The following HSP90AA1 variants were observed in gnomAD, a reference collection of about 807,000 sequenced individuals.
HSP90AA1 encodes heat shock protein HSP 90-alpha.
HSP90AA1 carries 18 observed loss-of-function variants against 73.3 expected under a neutral mutation model. That is an observed-to-expected ratio of 0.25 (90% CI 0.17 to 0.36). The LOEUF is 0.36. HSP90AA1 is among the 10% of genes least tolerant of loss of function. The probability of loss-of-function intolerance (pLI) is 1.00; values close to 1 mark genes in which losing one functional copy is unlikely to be tolerated. For missense variants in HSP90AA1, 704 were observed against 874.2 expected, an observed-to-expected ratio of 0.81 and a Z score of 2.45; for synonymous variants, 477 against 296.9, an observed-to-expected ratio of 1.61 and a Z score of -6.24.
At position 102,081,311 on chromosome 14, in the gene HSP90AA1, A is replaced by G. The variant is rs1058078; in HGVS notation, c.*401T>C. The G allele has an allele frequency of 0.072, 21,460 of 299,278 alleles. 1,148 individuals are homozygous for G. The highest frequency in any genetic ancestry group is 0.17 in the African/African-American group (8,144 of 46,830). The allele number at this position is 299,278 out of a possible 1,614,324, so 18.5% of individuals were successfully genotyped here. A position where few individuals can be genotyped will look rare whatever the true frequency, so the allele number is the denominator to read the frequency against. Reference sequence around the variant, plus strand: ...GTCAACTACAGGGAATGAAAAGTTCAAAAAGTAGATCCTACAAGATGTAAC... The same window carrying G: ...GTCAACTACAGGGAATGAAAAGTTCGAAAAGTAGATCCTACAAGATGTAAC... On this transcript the variant is annotated 3_prime_UTR_variant, in exon 11 of 11. Coordinates refer to ENST00000216281, the MANE Select transcript of HSP90AA1 (RefSeq NM_005348.4).
At chr14:102,133,368 A>G (rs570235004) in intron 1 of HSP90AA1, among the ~76,000 whole-genome samples, 6 of 152,278 alleles carry the variant, frequency 3.9e-5, no homozygotes, top group African/African-American at 1.2e-4. Context: ...TTTTGAACAC[A>G]ATTATAGGGA....
intron 1 of HSP90AA1, among the ~76,000 whole-genome samples, chr14:102,137,122 G>A (rs556615352): frequency 3.2e-4 from 48 of 151,930 alleles, no homozygotes; most frequent in African/African-American, 1.1e-3. Flanking sequence ...ACTGGGGCAG[G>A]AGAATTGCTT....
chr14:102,093,692 G>A (rs1051450003), intron 2 of HSP90AA1, among the ~76,000 whole-genome samples: 12 of 152,072 alleles, frequency 7.9e-5, no homozygotes, highest in African/African-American at 2.7e-4. Context: ...ATGTGAAAGG[G>A]CCAGGCGAGG....
exon 1 of HSP90AA1, chr14:102,139,315 C>T (rs1239801273): frequency 1.2e-6 from 2 of 1,613,704 alleles, no homozygotes; most frequent in African/African-American, 1.3e-5. Context: ...GACGGTCGCG[C>T]GGGTATTCAG....
rs1464588832 is a variant in HSP90AA1 at position 102,086,983 on chromosome 14, C to T, written c.-1+3G>A. 1.0e-6 allele frequency: 1 copy of T among 985,236 alleles called. No individual in the cohort carries two copies. The highest frequency in any genetic ancestry group is 1.7e-5 in the African/African-American group (1 of 57,144). The allele number at this position is 985,236 out of a possible 1,614,324, so 61.0% of individuals were successfully genotyped here. A position where few individuals can be genotyped will look rare whatever the true frequency, so the allele number is the denominator to read the frequency against. On this transcript the variant is annotated splice_donor_region_variant and intron_variant, in intron 1 of 10. Transcript: ENST00000216281. ...TCCACAGGCCCCCACAACCACCCGT[C>T]ACCTTGGCTAAGTGACCGCACAGGA... is the stretch of plus-strand genomic sequence containing the variant.
intron 1 of HSP90AA1, 60 bp from the exon 2 acceptor site, chr14:102,086,438 T>A (rs3736807): frequency 1.9e-6 from 3 of 1,580,166 alleles, no homozygotes; most frequent in Admixed American, 1.7e-5. Flanking sequence ...CAACACGAAA[T>A]TCCATCGCGT....
chr14:102,129,795 GC>G (rs1297046763), intron 1 of HSP90AA1, among the ~76,000 whole-genome samples: 1 of 110,244 alleles, frequency 9.1e-6, no homozygotes, highest in Non-Finnish European at 2.2e-5. Flanking sequence ...GAGCCACCAC[GC>G]CCGACAACTA....
chr14:102,097,630 C>T (rs749262742), intron 2 of HSP90AA1, among the ~76,000 whole-genome samples: 50 of 152,166 alleles, frequency 3.3e-4, no homozygotes, highest in Non-Finnish European at 6.5e-4. Context: ...CTTGTTTATC[C>T]TCAGATACCC....
In HSP90AA1 at chr14:102,086,422, C is replaced by G. The variant is rs34721798; in HGVS notation, c.1-44G>C. ...GGTTTAAAACCTTGCAGGACGTCTACAGAGGCAACACGAAATTCCATCGCG... is the reference window on the plus strand; with the variant it reads ...GGTTTAAAACCTTGCAGGACGTCTAGAGAGGCAACACGAAATTCCATCGCG... On this transcript the variant is annotated intron_variant, in intron 1 of 10. Transcript: ENST00000216281. 8.6e-5 allele frequency: 138 copies of G among 1,608,734 alleles called. No individual in the cohort carries two copies. In the African/African-American group the frequency reaches 1.6e-3, roughly 19 times the overall value.
chr14:102,116,183 G>C (rs1347761967), intron 1 of HSP90AA1, among the ~76,000 whole-genome samples: 1 of 151,936 alleles, frequency 6.6e-6, no homozygotes, highest in Non-Finnish European at 1.5e-5. Context: ...TCGATCTCCT[G>C]ACCTCGTGAT....
In HSP90AA1 at chr14:102,084,392, T is replaced by C. The variant is rs371160739; in HGVS notation, c.1147+7A>G. 5 of 1,611,008 alleles carry C rather than the reference T, an allele frequency of 3.1e-6. No individual in the cohort carries two copies. The highest frequency in any genetic ancestry group is 1.1e-5 in the South Asian group (1 of 91,010). On this transcript the variant is annotated splice_region_variant and intron_variant, in intron 6 of 10. Coordinates refer to ENST00000216281, the MANE Select transcript of HSP90AA1 (RefSeq NM_005348.4). ...TGACAGTGATTATTTTTCCTATCTA[T>C]ACTTACTCAGATATTCAGGGATTAG...
At chr14:102,139,420 G>A (rs910218020) in exon 1 of HSP90AA1, 1 of 1,531,708 alleles carries the variant, frequency 6.5e-7, no homozygotes, top group Non-Finnish European at 8.8e-7. Context: ...CTCCCCGTAG[G>A]GTACCCCGCG....
At chr14:102,110,143 C>A (rs1372517802) in intron 1 of HSP90AA1, among the ~76,000 whole-genome samples, 4 of 152,154 alleles carry the variant, frequency 2.6e-5, no homozygotes, top group Non-Finnish European at 5.9e-5. Flanking sequence ...CCATATTGGC[C>A]AGGCTGGTCT....
chr14:102,085,032 G>GCACT, intron 4 of HSP90AA1, 34 bp from the exon 5 acceptor site: 1 of 1,613,704 alleles, frequency 6.2e-7, no homozygotes, highest in Non-Finnish European at 8.5e-7. Context: ...CATCACTGCT[G>GCACT]CACTCCAGAA....
chr14:102,106,691 C>T (rs981116922), intron 1 of HSP90AA1, among the ~76,000 whole-genome samples: 3 of 151,560 alleles, frequency 2.0e-5, no homozygotes, highest in African/African-American at 7.3e-5. Context: ...TTACAGGCGC[C>T]TGCCACTACG....
At chr14:102,112,236 G>A (rs931121137) in intron 1 of HSP90AA1, among the ~76,000 whole-genome samples, 29 of 152,264 alleles carry the variant, frequency 1.9e-4, no homozygotes, top group African/African-American at 6.0e-4. Context: ...GCACTGGCAC[G>A]ATCTTGGCTC....
chr14:102,088,246 G>T (rs564274852), upstream of HSP90AA1, among the ~76,000 whole-genome samples: 3 of 152,222 alleles, frequency 2.0e-5, no homozygotes, highest in Admixed American at 6.5e-5. Flanking sequence ...GAACCTTGGA[G>T]GCATTGGGGT....
intron 2 of HSP90AA1, among the ~76,000 whole-genome samples, chr14:102,097,762 G>C (rs2049443980): frequency 6.6e-6 from 1 of 152,192 alleles, no homozygotes. Flanking sequence ...TGGCTGTCAG[G>C]AATTGCCTAT....
intron 1 of HSP90AA1, among the ~76,000 whole-genome samples, chr14:102,120,874 G>A (rs1395511700): frequency 2.0e-5 from 3 of 151,830 alleles, no homozygotes; most frequent in African/African-American, 2.4e-5. Context: ...GGAGGTGGAA[G>A]TTGCAGTGAG....
Sources: gnomAD v4.1 joint callset for allele counts (sites outside exome capture counted in the v4.1 genomes callset) on GRCh38, gnomAD v4.1.1 for gene constraint, MANE v1.5 for transcripts, NCBI Gene and HGNC (gene_info 2026-07-23, HGNC 2026-07-21) for gene names.